Variants in DMD observed in about 807,000 individuals in gnomAD.
DMD encodes the protein dystrophin.
A neutral mutation model predicts 330.1 loss-of-function variants in DMD; 63 were observed. The ratio of observed to expected loss-of-function variants is 0.19; its 90% CI spans 0.16 to 0.24. DMD has a LOEUF of 0.24. Among genes scored for constraint, DMD ranks in the 10% least tolerant of loss-of-function variants. DMD has a pLI of 1.00. For synonymous variants in DMD, 1,223 were observed against 959.8 expected (o/e 1.27, Z -5.07); for missense variants, 3,344 against 2,684.1 (o/e 1.25, Z -5.43).
chrX:32,783,122 T>C (rs1285911958), intron 7 of DMD, among the ~76,000 whole-genome samples: 2 of 101,732 alleles, frequency 2.0e-5, no homozygotes, highest in Non-Finnish European at 4.0e-5. Context: ...ACACCATATG[T>C]ATATACATAT....
intron 2 of DMD, among the ~76,000 whole-genome samples, chrX:32,947,311 A>C (rs2090888113): frequency 1.8e-5 from 2 of 112,301 alleles, no homozygotes; most frequent in Non-Finnish European, 3.8e-5. Flanking sequence ...AAGAATTAAA[A>C]AAATAAAATC....
At chrX:31,428,035 G>A (rs1213889466) in intron 60 of DMD, among the ~76,000 whole-genome samples, 1 of 112,400 alleles carries the variant, frequency 8.9e-6, no homozygotes, top group Non-Finnish European at 1.9e-5. Flanking sequence ...TGAGTCCCAT[G>A]CATCTAAGTC....
chrX:31,617,520 G>A (rs1473392878), intron 55 of DMD, among the ~76,000 whole-genome samples: 2 of 86,544 alleles, frequency 2.3e-5, no homozygotes, highest in African/African-American at 8.9e-5. Flanking sequence ...GGGGACAAGA[G>A]CGAGACTTCG....
chrX:32,837,037 G>A (rs2079710753), intron 4 of DMD, among the ~76,000 whole-genome samples: 1 of 111,473 alleles, frequency 9.0e-6, no homozygotes, highest in South Asian at 3.8e-4. Flanking sequence ...CAGAAACCAC[G>A]TCTACTCTCT....
At chrX:31,734,183 T>C (rs2086702730) in intron 51 of DMD, among the ~76,000 whole-genome samples, 1 of 111,205 alleles carries the variant, frequency 9.0e-6, no homozygotes, top group Non-Finnish European at 1.9e-5. Flanking sequence ...TCTCTCTGTG[T>C]GTATAGATAT....
chrX:31,660,934 CAGA>C (rs1299027942), intron 53 of DMD, among the ~76,000 whole-genome samples: 3 of 111,127 alleles, frequency 2.7e-5, no homozygotes, highest in Non-Finnish European at 5.7e-5. Context: ...ACATAAAATG[CAGA>C]AGGTGCCAAT....
At chrX:31,420,841 G>A (rs1033007323) in intron 60 of DMD, among the ~76,000 whole-genome samples, 3 of 112,000 alleles carry the variant, frequency 2.7e-5, no homozygotes, top group South Asian at 3.7e-4. Flanking sequence ...GTCCTTGCCC[G>A]GCAGTCATGC....
intron 30 of DMD, among the ~76,000 whole-genome samples, 176 bp downstream of exon 30, chrX:32,411,576 C>CT (rs1206368673): frequency 9.0e-6 from 1 of 111,719 alleles, no homozygotes; most frequent in African/African-American, 3.3e-5. Flanking sequence ...AAAAATAAAT[C>CT]TTAGACTAAT....
At chrX:32,178,066 C>T (rs745664410) in intron 44 of DMD, among the ~76,000 whole-genome samples, 4 of 107,054 alleles carry the variant, frequency 3.7e-5, no homozygotes, top group South Asian at 4.1e-4. Flanking sequence ...AACAATGTTG[C>T]GGATGTTAGA....
At chrX:32,010,932 A>G (rs757908280) in intron 44 of DMD, among the ~76,000 whole-genome samples, 14 of 111,881 alleles carry the variant, frequency 1.3e-4, no homozygotes, top group African/African-American at 4.2e-4. Context: ...AAAAACCCCA[A>G]TCTGGTTTTG....
intron 44 of DMD, among the ~76,000 whole-genome samples, chrX:32,059,755 G>A (rs1198776073): frequency 9.0e-6 from 1 of 111,386 alleles, no homozygotes; most frequent in East Asian, 2.8e-4. Flanking sequence ...ATTCACTCAG[G>A]GGAAGGGTGG....
chrX:31,805,919 G>A (rs1386035857), intron 50 of DMD, among the ~76,000 whole-genome samples: 3 of 112,161 alleles, frequency 2.7e-5, no homozygotes, highest in Admixed American at 9.5e-5. Flanking sequence ...AGTGAACTAC[G>A]GCTTGTGGGC....
At chrX:32,495,294 G>A (rs1395996765) in intron 19 of DMD, among the ~76,000 whole-genome samples, 1 of 111,620 alleles carries the variant, frequency 9.0e-6, no homozygotes, top group Non-Finnish European at 1.9e-5. Flanking sequence ...TCAGCTTGGA[G>A]TAGAAAGAGT....
chrX:32,728,481 A>C, intron 7 of DMD, among the ~76,000 whole-genome samples: 1 of 111,986 alleles, frequency 8.9e-6, no homozygotes, highest in Non-Finnish European at 1.9e-5. Flanking sequence ...AAGCAGGCTG[A>C]AGTCATTTAA....
At chrX:31,810,990 A>G in intron 50 of DMD, among the ~76,000 whole-genome samples, 1 of 112,015 alleles carries the variant, frequency 8.9e-6, no homozygotes, top group Non-Finnish European at 1.9e-5. Flanking sequence ...AATGCAGGAC[A>G]TAGGTAATCA....
At chrX:31,465,424 C>G (rs2066790509) in intron 59 of DMD, among the ~76,000 whole-genome samples, 1 of 110,670 alleles carries the variant, frequency 9.0e-6, no homozygotes, top group African/African-American at 3.3e-5. Flanking sequence ...TCTCGTTGTT[C>G]AACTCCCACT....
At chrX:31,254,077 A>G (rs2049677804) in intron 63 of DMD, among the ~76,000 whole-genome samples, 1 of 112,289 alleles carries the variant, frequency 8.9e-6, no homozygotes, top group Middle Eastern at 4.2e-3. Flanking sequence ...GAGGGCTTCA[A>G]TGAAGGAAAA....
At chrX:32,768,824 C>T (rs996550944) in intron 7 of DMD, among the ~76,000 whole-genome samples, 3 of 111,737 alleles carry the variant, frequency 2.7e-5, no homozygotes, top group African/African-American at 9.8e-5. Flanking sequence ...CAACCATGTC[C>T]TTTCTCCAGC....
intron 61 of DMD, among the ~76,000 whole-genome samples, chrX:31,343,679 T>C (rs757922701): frequency 9.2e-6 from 1 of 108,354 alleles, no homozygotes; most frequent in African/African-American, 3.4e-5. Context: ...GAGAATAAGA[T>C]AAACAGAGAC....
Sources: allele counts gnomAD v4.1 joint callset (sites outside exome capture counted in the v4.1 genomes callset), GRCh38; gene constraint gnomAD v4.1.1; transcripts MANE v1.5; gene names NCBI Gene and HGNC (gene_info 2026-07-23, HGNC 2026-07-21).